The following IL36A variants were observed in gnomAD, a reference collection of about 807,000 sequenced individuals.
IL36A encodes interleukin 36 alpha.
IL36A carries 13 observed loss-of-function variants against 12.7 expected under a neutral mutation model. The ratio of observed to expected loss-of-function variants is 1.02; its 90% CI spans 0.67 to 1.63. IL36A has a LOEUF of 1.63. Among genes scored for constraint, IL36A ranks in the 40% most tolerant of loss-of-function variants. The probability of loss-of-function intolerance (pLI) is 0.00; values close to 1 mark genes in which losing one functional copy is unlikely to be tolerated. For synonymous variants in IL36A, 73 were observed against 71.9 expected (o/e 1.01, Z -0.08); for missense variants, 195 against 192.9 (o/e 1.01, Z -0.07).
chr2:113,008,767 C>T (rs1684684505), downstream of IL36A, among the ~76,000 whole-genome samples: 1 of 151,300 alleles, frequency 6.6e-6, no homozygotes, highest in Non-Finnish European at 1.5e-5. Flanking sequence ...TATGCTGGTG[C>T]TGGTTTGGGT....
chr2:113,006,246 C>T (rs1011285583), intron 2 of IL36A, among the ~76,000 whole-genome samples, 159 bp downstream of exon 2: 1 of 152,084 alleles, frequency 6.6e-6, no homozygotes, highest in African/African-American at 2.4e-5. Context: ...TAAGGTTGTT[C>T]TGGGACTATG....
rs1684603112 is a variant in IL36A, at chr2:113,005,847, G to T, written c.-25G>T. The T allele has an allele frequency of 8.1e-6, 13 of 1,614,094 alleles. No individual in the cohort carries two copies. Among genetic ancestry groups the T allele is most frequent in the Non-Finnish European group, 1.1e-5 (13 of 1,179,980 alleles). On this transcript the variant is annotated 5_prime_UTR_variant, in exon 1 of 4. Coordinates refer to ENST00000259211, the MANE Select transcript of IL36A (RefSeq NM_014440.3). The stretch of plus-strand genomic sequence containing the variant: ...GCACATAAAAGGACTCCTATCCTTG[G>T]CAGTTCTGAAACAACACCACCACAA...
downstream of IL36A, chr2:113,008,400 G>T (rs1252761772): frequency 5.8e-6 from 1 of 173,416 alleles, no homozygotes; most frequent in African/African-American, 3.0e-5. Flanking sequence ...TCGCTCTGTC[G>T]CCCAGGCTGG....
At chr2:113,008,343 T>C (rs996900537), downstream of IL36A, among the ~76,000 whole-genome samples, 1 of 149,166 alleles carries the variant, frequency 6.7e-6, no homozygotes, top group Admixed American at 6.7e-5. Flanking sequence ...CAAGTAAAAA[T>C]GAGGGTGGTG....
chr2:113,009,499 AAT>A (rs549258725), downstream of IL36A, among the ~76,000 whole-genome samples: 28 of 152,314 alleles, frequency 1.8e-4, no homozygotes, highest in South Asian at 5.4e-3. Flanking sequence ...AAATTTGTGA[AAT>A]AAAAATTTTG....
chr2:113,009,469 C>T (rs906039616), downstream of IL36A, among the ~76,000 whole-genome samples: 2 of 152,248 alleles, frequency 1.3e-5, no homozygotes, highest in Admixed American at 1.3e-4. Flanking sequence ...AAAGTGTTAT[C>T]ACTGGACCTC....
Position 113,006,085 on chromosome 2 carries a change from C to A in IL36A, c.122C>A (p.Pro41Gln). The change falls in exon 2 of 4, where the codon CCA (proline) becomes CAA (glutamine). Residue 41 changes from proline to glutamine, a missense_variant and splice_region_variant. Pro to Gln is a moderately conservative substitution (Grantham distance 76). Coordinates refer to ENST00000259211, the MANE Select transcript of IL36A (RefSeq NM_014440.3). ...IAVPRKDRMS[P>Q]VTIALISCRH... ...GTCCCGAGGAAGGACCGTATGTCTCCAGGTGAGTAGCCACGGTCTGTGAAA... is the reference window on the plus strand; with the variant it reads ...GTCCCGAGGAAGGACCGTATGTCTCAAGGTGAGTAGCCACGGTCTGTGAAA... The A allele has an allele frequency of 1.3e-6, 2 of 1,599,176 alleles. No individual in the cohort carries two copies. Among genetic ancestry groups the A allele is most frequent in the Non-Finnish European group, 1.7e-6 (2 of 1,166,394 alleles).
At chr2:113,010,210 C>T (rs934053264), downstream of IL36A, among the ~76,000 whole-genome samples, 1 of 152,166 alleles carries the variant, frequency 6.6e-6, no homozygotes, top group Non-Finnish European at 1.5e-5. Flanking sequence ...CTGATGAATT[C>T]CAGGGCCCTG....
chr2:113,009,835 A>C (rs545731843), downstream of IL36A, among the ~76,000 whole-genome samples: 3 of 152,252 alleles, frequency 2.0e-5, no homozygotes, highest in African/African-American at 7.2e-5. Context: ...CTGAGAGTCT[A>C]CTGTGGGTTT....
chr2:113,008,527 A>AT (rs1247235970), downstream of IL36A: 13 of 258,926 alleles, frequency 5.0e-5, no homozygotes, highest in Middle Eastern at 4.4e-4. Context: ...CGCCCGGCTA[A>AT]TTTTTTTGTA....
rs574579843 is a variant in IL36A at position 113,005,691 on chromosome 2, A to G, written c.-181A>G. 1.0e-5 allele frequency: 7 copies of G among 671,122 alleles called. No individual in the cohort carries two copies. The highest frequency in any genetic ancestry group is 2.5e-5 in the Admixed American group (1 of 40,724). The allele number at this position is 671,122 out of a possible 1,614,324, so 41.6% of individuals were successfully genotyped here. ...GAGGTAGACTGCATCCAACAAAGTAAGGGTGCTGGGTGAGTTCTGGGAGTA... is the reference window on the plus strand; with the variant it reads ...GAGGTAGACTGCATCCAACAAAGTAGGGGTGCTGGGTGAGTTCTGGGAGTA... On this transcript the variant is annotated 5_prime_UTR_variant, in exon 1 of 4. Transcript: ENST00000259211.
downstream of IL36A, among the ~76,000 whole-genome samples, chr2:113,009,531 A>G (rs1055114457): frequency 2.0e-5 from 3 of 152,216 alleles, no homozygotes; most frequent in Non-Finnish European, 2.9e-5. Flanking sequence ...TGGCTCTTTT[A>G]TGAATCAAAT....
chr2:113,005,801 G>A lies in IL36A; in HGVS notation c.-71G>A. 1 of 1,565,866 alleles carries A rather than the reference G, an allele frequency of 6.4e-7. No homozygotes were observed. The highest frequency in any genetic ancestry group is 8.8e-7 in the Non-Finnish European group (1 of 1,136,118). The stretch of plus-strand genomic sequence containing the variant: ...AAACTGTGGCTTGGGACTGACTCAG[G>A]TCCTCTCTTGGGGTCGGTCTGCACA... On this transcript the variant is annotated 5_prime_UTR_variant, in exon 1 of 4. Transcript: ENST00000259211.
chr2:113,010,387 T>C (rs1293449190), downstream of IL36A, among the ~76,000 whole-genome samples: 1 of 152,234 alleles, frequency 6.6e-6, no homozygotes, highest in Non-Finnish European at 1.5e-5. Context: ...GTTTCTTCTC[T>C]GCCTTTCCCT....
Position 113,007,918 on chromosome 2 carries a change from C to G in IL36A, c.351C>G (p.Thr117=). The change falls in exon 4 of 4, where the codon ACC becomes ACG. Residue 117 remains threonine (T), a synonymous_variant. Transcript: ENST00000259211. ...ACAGCCAGAGTGGCAGGAACTCCAC[C>G]TTCGAGTCTGTGGCTTTCCCTGGCT... ...FYHSQSGRNS[T]FESVAFPGWF... is the part of the protein sequence containing the mutation. 6.2e-7 allele frequency: 1 copy of G among 1,614,170 alleles called. No homozygotes were observed. The highest frequency in any genetic ancestry group is 8.5e-7 in the Non-Finnish European group (1 of 1,180,014).
intron 3 of IL36A, 108 bp downstream of exon 3, chr2:113,006,845 C>A: frequency 8.1e-7 from 1 of 1,232,782 alleles, no homozygotes; most frequent in Non-Finnish European, 1.1e-6. Flanking sequence ...TTTTTGGTTT[C>A]CTTGGGGTTG....
chr2:113,009,787 A>G (rs973123190), downstream of IL36A, among the ~76,000 whole-genome samples: 18 of 152,240 alleles, frequency 1.2e-4, no homozygotes, highest in Non-Finnish European at 2.1e-4. Flanking sequence ...GTGCACAGCT[A>G]TCTGAAAAAC....
chr2:113,010,457 T>C (rs1684710521), downstream of IL36A, among the ~76,000 whole-genome samples: 1 of 152,044 alleles, frequency 6.6e-6, no homozygotes, highest in Non-Finnish European at 1.5e-5. Flanking sequence ...GTGAAAGGGG[T>C]CTATGAATGC....
In IL36A at chr2:113,008,041, T is replaced by C. The variant is rs1684664298; in HGVS notation, c.474T>C (p.Phe158=). The part of the protein sequence containing the change: ...NTTDFGLTML[F] ...CTGACTTTGGGTTAACTATGCTGTT[T>C]TAAGGTCAGTTGGGTTTGGAGGATA... The change falls in exon 4 of 4, where the codon TTT becomes TTC. Residue 158 remains phenylalanine, a synonymous_variant. Transcript: ENST00000259211. The C allele has an allele frequency of 3.1e-6, 5 of 1,613,412 alleles. No homozygotes were observed. The highest frequency in any genetic ancestry group is 4.2e-6 in the Non-Finnish European group (5 of 1,179,328).
Sources: allele counts gnomAD v4.1 joint callset (sites outside exome capture counted in the v4.1 genomes callset), GRCh38; gene constraint gnomAD v4.1.1; transcripts MANE v1.5; gene names NCBI Gene and HGNC (gene_info 2026-07-23, HGNC 2026-07-21).